Variants in WNK3 observed in about 807,000 individuals in gnomAD.
WNK3 encodes serine/threonine-protein kinase WNK3.
WNK3 carries 18 observed loss-of-function variants against 116.7 expected under a neutral mutation model. That is an observed-to-expected ratio of 0.15 (90% CI 0.11 to 0.23). The LOEUF is 0.23. WNK3 is among the 10% of genes least tolerant of loss of function. The probability of loss-of-function intolerance (pLI) is 1.00; values close to 1 mark genes in which losing one functional copy is unlikely to be tolerated. For synonymous variants in WNK3, 404 were observed against 469.4 expected (o/e 0.86, Z 1.80); for missense variants, 993 against 1,323.8 (o/e 0.75, Z 3.88).
At chrX:54,287,569 T>C (rs2068594184) in intron 10 of WNK3, among the ~76,000 whole-genome samples, 1 of 112,089 alleles carries the variant, frequency 8.9e-6, no homozygotes, top group Admixed American at 9.5e-5. Flanking sequence ...TTTATAGTGG[T>C]TATTGACAAT....
At chrX:54,338,689 T>C (rs1377030850) in intron 1 of WNK3, among the ~76,000 whole-genome samples, 1 of 110,101 alleles carries the variant, frequency 9.1e-6, no homozygotes, top group African/African-American at 3.3e-5. Context: ...AACACCTGGC[T>C]TCCCAAAGTA....
intron 2 of WNK3, among the ~76,000 whole-genome samples, chrX:54,313,257 T>C (rs2068907815): frequency 9.0e-6 from 1 of 111,572 alleles, no homozygotes; most frequent in Non-Finnish European, 1.9e-5. Context: ...GGGGGCCACA[T>C]ATAACAATGT....
chrX:54,319,030 G>A (rs782532205), intron 2 of WNK3, among the ~76,000 whole-genome samples: 1 of 109,134 alleles, frequency 9.2e-6, no homozygotes, highest in East Asian at 2.9e-4. Context: ...CGCCCACCTC[G>A]GCCTCCCAAA....
At chrX:54,329,451 C>A (rs1603399319) in intron 2 of WNK3, among the ~76,000 whole-genome samples, 1 of 111,136 alleles carries the variant, frequency 9.0e-6, no homozygotes, top group Admixed American at 9.7e-5. Context: ...CCAGCCTGGC[C>A]AGTATGTTGA....
intron 11 of WNK3, among the ~76,000 whole-genome samples, chrX:54,256,616 A>T (rs782802069): frequency 4.4e-4 from 49 of 112,413 alleles, no homozygotes; most frequent in Non-Finnish European, 9.0e-4. Context: ...TTAAATGACA[A>T]GCTCTAAGTC....
At chrX:54,282,158 G>A (rs1557162605) in intron 10 of WNK3, among the ~76,000 whole-genome samples, 1 of 110,045 alleles carries the variant, frequency 9.1e-6, no homozygotes, top group Admixed American at 9.8e-5. Context: ...TTCTGCCTCA[G>A]CCTCCTGAGT....
At chrX:54,306,649 A>G (rs1350796986) in intron 5 of WNK3, among the ~76,000 whole-genome samples, 1 of 111,027 alleles carries the variant, frequency 9.0e-6, no homozygotes, top group Non-Finnish European at 1.9e-5. Context: ...GGGGGAGGAA[A>G]TGGGGAGCTA....
At chrX:54,213,552 T>TCAAAAAAAAAAAAAAAAAA (rs2067643591) in intron 22 of WNK3, among the ~76,000 whole-genome samples, 1 of 42,567 alleles carries the variant, frequency 2.3e-5, no homozygotes, top group African/African-American at 3.9e-4. Flanking sequence ...AGACTCCGTC[T>TCAAAAAAAAAAAAAAAAAA]CAAAAAAAAA....
intron 22 of WNK3, among the ~76,000 whole-genome samples, chrX:54,221,551 A>C (rs1557146501): frequency 8.9e-6 from 1 of 111,817 alleles, no homozygotes; most frequent in Non-Finnish European, 1.9e-5. Flanking sequence ...ACTGAACTAG[A>C]GGCCAGGCGA....
intron 22 of WNK3, among the ~76,000 whole-genome samples, chrX:54,222,488 G>A (rs1427052703): frequency 3.7e-5 from 4 of 108,589 alleles, no homozygotes; most frequent in African/African-American, 1.3e-4. Context: ...GAGCCCGGGA[G>A]GTTGAGGTTA....
chrX:54,275,779 A>G (rs1408631432), intron 10 of WNK3, among the ~76,000 whole-genome samples: 10 of 111,075 alleles, frequency 9.0e-5, no homozygotes, highest in African/African-American at 2.9e-4. Flanking sequence ...ATGGATAAAC[A>G]TTAACTATAC....
chrX:54,224,406 G>A (rs1298597599), intron 22 of WNK3, among the ~76,000 whole-genome samples: 1 of 108,236 alleles, frequency 9.2e-6, no homozygotes, highest in Admixed American at 1.0e-4. Context: ...AGACTGTTGA[G>A]TTTTCTGGAC....
intron 22 of WNK3, among the ~76,000 whole-genome samples, chrX:54,224,574 T>G (rs1001537798): frequency 9.2e-6 from 1 of 109,106 alleles, no homozygotes; most frequent in African/African-American, 3.4e-5. Flanking sequence ...AGACTTCTTT[T>G]TTTTTTTCTT....
intron 6 of WNK3, among the ~76,000 whole-genome samples, chrX:54,299,011 GTA>G (rs2068727633): frequency 8.9e-6 from 1 of 112,077 alleles, no homozygotes; most frequent in Non-Finnish European, 1.9e-5. Context: ...TTAGACCAGA[GTA>G]TACATATAAC....
chrX:54,283,269 C>T (rs1453573323), intron 10 of WNK3, among the ~76,000 whole-genome samples: 1 of 110,765 alleles, frequency 9.0e-6, no homozygotes, highest in African/African-American at 3.3e-5. Flanking sequence ...TATGGCGAGA[C>T]CTCATCTCTA....
intron 1 of WNK3, among the ~76,000 whole-genome samples, chrX:54,356,880 A>AC (rs2069600712): frequency 1.0e-5 from 1 of 98,482 alleles, no homozygotes; most frequent in Non-Finnish European, 2.0e-5. Flanking sequence ...TTCCACCCCC[A>AC]CCCCATTATA....
chrX:54,218,517 A>G (rs1266563574), intron 22 of WNK3, among the ~76,000 whole-genome samples: 1 of 109,000 alleles, frequency 9.2e-6, no homozygotes, highest in Non-Finnish European at 1.9e-5. Context: ...TCAACCAACA[A>G]GAAAACAGGT....
At position 54,336,828 on chromosome X, in the gene WNK3, T is replaced by C. The variant is rs782549713; in HGVS notation, c.-119-3036A>G. Among the ~76,000 whole-genome samples the C allele has an allele frequency of 3.6e-5, 4 of 110,946 alleles. No individual in the cohort carries two copies. In the East Asian group the frequency reaches 1.1e-3, roughly 32 times the overall value. ...TTTACTGTCTGAATGAATATGGCTG[T>C]GAGGGAAAAGAAAGAGTCTTACGGT... is the stretch of plus-strand genomic sequence containing the variant. On this transcript the variant is annotated intron_variant, in intron 1 of 23. Coordinates refer to ENST00000354646, the Ensembl canonical transcript of WNK3.
chrX:54,252,411 C>T (rs2068142973), intron 13 of WNK3, among the ~76,000 whole-genome samples: 1 of 110,443 alleles, frequency 9.1e-6, no homozygotes, highest in African/African-American at 3.3e-5. Context: ...AGGCTGGGCA[C>T]GGTAGCCCAG....
Sources: gnomAD v4.1 joint callset for allele counts (sites outside exome capture counted in the v4.1 genomes callset) on GRCh38, gnomAD v4.1.1 for gene constraint, MANE v1.5 for transcripts, NCBI Gene and HGNC (gene_info 2026-07-23, HGNC 2026-07-21) for gene names.